The following EP400 variants were observed in gnomAD, a reference collection of about 807,000 sequenced individuals.
The protein encoded by EP400 is E1A binding protein p400, also known as E1A-binding protein p400.
A neutral mutation model predicts 354.1 loss-of-function variants in EP400; 105 were observed. The observed-to-expected ratio is 0.30, with a 90% confidence interval of 0.25 to 0.35. The LOEUF is 0.35. Ranked by LOEUF, EP400 falls within the 10% of genes least tolerant of loss-of-function variation. EP400 has a pLI of 1.00. For missense variants in EP400, 3,280 were observed against 4,121.0 expected (o/e 0.80, Z 5.59); for synonymous variants, 1,646 against 1,716.9 (o/e 0.96, Z 1.02).
At chr12:131,975,761 G>A (rs77279134) in intron 2 of EP400, among the ~76,000 whole-genome samples, 2,436 of 152,160 alleles carry the variant, frequency 0.016, 33 homozygotes, top group Non-Finnish European at 0.028. Context: ...TTTTCGCCAC[G>A]TTGGTCAGGC....
intron 1 of EP400, among the ~76,000 whole-genome samples, chr12:131,957,538 T>C (rs1392780170): frequency 1.3e-5 from 2 of 151,098 alleles, no homozygotes; most frequent in Non-Finnish European, 2.9e-5. Flanking sequence ...TTTTTTTTTT[T>C]ACATTAAATG....
chr12:131,986,042 A>G (rs938243125), intron 5 of EP400, among the ~76,000 whole-genome samples: 4 of 152,144 alleles, frequency 2.6e-5, no homozygotes, highest in Non-Finnish European at 5.9e-5. Flanking sequence ...TGGCACAAAC[A>G]TGACTCACTG....
At chr12:132,076,891 C>T (rs1174981940) in intron 52 of EP400, among the ~76,000 whole-genome samples, 4 of 152,206 alleles carry the variant, frequency 2.6e-5, no homozygotes, top group African/African-American at 9.6e-5. Context: ...TAGGGAGGCA[C>T]AGGCCTCAGG....
chr12:132,027,722 G>A lies in EP400; in HGVS notation c.5109+191G>A, dbSNP rs552037153. Among the ~76,000 whole-genome samples the A allele has an allele frequency of 6.6e-6, 1 of 152,264 alleles. No individual in the cohort carries two copies. The highest frequency in any genetic ancestry group is 1.9e-4 in the East Asian group (1 of 5,184). ...CTTACGACTGCCACAATCTTTTTTT[G>A]TATTTTTTATGTCCTTCTGCAAGTC... On this transcript the variant is annotated intron_variant, in intron 26 of 52. Coordinates refer to ENST00000389561, the MANE Select transcript of EP400 (RefSeq NM_015409.5). The surrounding 1 kb of genome is among the most constrained non-coding windows in gnomAD (Gnocchi z 4.9).
intron 22 of EP400, 131 bp from the exon 23 acceptor site, chr12:132,020,946 TCC>T: frequency 8.0e-7 from 1 of 1,256,536 alleles, no homozygotes; most frequent in African/African-American, 1.5e-5. Context: ...CCTCTTTTTT[TCC>T]TTAAGAGGGG....
Position 131,949,946 on chromosome 12 carries a change from C to A in EP400, c.-126C>A, listed in dbSNP as rs1891399054. On this transcript the variant is annotated 5_prime_UTR_variant, in exon 1 of 53. Transcript: ENST00000389561. ...TAGCAGCCGCGCCGCCGCTTCCTCC[C>A]GCCGGGGCCCCGGATGCACTGAGCG... The A allele has an allele frequency of 6.6e-6, 1 of 151,872 alleles. No homozygotes were observed. The highest frequency in any genetic ancestry group is 1.5e-5 in the Non-Finnish European group (1 of 67,926). 9.4% of individuals were successfully genotyped at this position (151,872 alleles called of 1,614,324 possible).
At chr12:132,031,367 A>C (rs577114384) in intron 29 of EP400, 1 of 519,166 alleles carries the variant, frequency 1.9e-6, no homozygotes, top group East Asian at 5.5e-5. Flanking sequence ...AGTAAATGCA[A>C]GGTGGACTCT....
At chr12:131,991,576 C>CTTTTTTT (rs878864752) in intron 10 of EP400, 120 bp downstream of exon 10, 12 of 593,244 alleles carry the variant, frequency 2.0e-5, no homozygotes, top group Admixed American at 1.3e-4. Flanking sequence ...CCTTTCTTTT[C>CTTTTTTT]TTTTTTTTTT....
chr12:132,074,496 T>TAAAGACAA (rs1277726085), intron 51 of EP400, among the ~76,000 whole-genome samples: 4 of 152,224 alleles, frequency 2.6e-5, no homozygotes, highest in African/African-American at 4.8e-5. Flanking sequence ...CGAGACGTTG[T>TAAAGACAA]CTTTGTCTTT....
chr12:131,996,206 G>C (rs907729312), intron 12 of EP400, among the ~76,000 whole-genome samples: 2 of 152,018 alleles, frequency 1.3e-5, no homozygotes, highest in African/African-American at 4.8e-5. Context: ...CCAGGCACGT[G>C]TGCATGAGTG....
chr12:132,017,767 C>T lies in EP400; in HGVS notation c.4110+46C>T, dbSNP rs984698326. On this transcript the variant is annotated intron_variant, in intron 20 of 52. Coordinates refer to ENST00000389561, the MANE Select transcript of EP400 (RefSeq NM_015409.5). The surrounding 1 kb of genome is among the most constrained non-coding windows in gnomAD (Gnocchi z 5.0). The stretch of plus-strand genomic sequence containing the variant: ...GCGGAATTACTGTTGGATATCTTTT[C>T]TAGGCACATTATAGATAAAACCATT... 5 of 1,493,828 alleles carry T rather than the reference C, an allele frequency of 3.3e-6. No homozygotes were observed. The highest frequency in any genetic ancestry group is 4.5e-6 in the Non-Finnish European group (5 of 1,121,034). 92.5% of individuals were successfully genotyped at this position (1,493,828 alleles called of 1,614,324 possible).
chr12:132,033,488 G>A (rs544248924), intron 30 of EP400, among the ~76,000 whole-genome samples: 5 of 152,044 alleles, frequency 3.3e-5, no homozygotes, highest in African/African-American at 1.2e-4. Context: ...CCCTGCATGA[G>A]GTCTCCTAGG....
intron 30 of EP400, among the ~76,000 whole-genome samples, chr12:132,035,718 C>T (rs1350137923): frequency 8.1e-5 from 12 of 148,126 alleles, no homozygotes; most frequent in African/African-American, 2.0e-4. Context: ...TCACATGGAA[C>T]GCTGTGGAAG....
intron 2 of EP400, chr12:131,963,467 C>G: frequency 4.0e-6 from 5 of 1,236,210 alleles, no homozygotes; most frequent in Non-Finnish European, 5.8e-6. Flanking sequence ...CAATAAAATT[C>G]TAACAAAATT....
intron 45 of EP400, among the ~76,000 whole-genome samples, chr12:132,056,436 C>T (rs986543574): frequency 2.0e-5 from 3 of 152,010 alleles, no homozygotes; most frequent in African/African-American, 7.3e-5. Context: ...CACACACACA[C>T]ACACACACAC....
intron 2 of EP400, among the ~76,000 whole-genome samples, chr12:131,968,344 T>C (rs1052755393): frequency 6.6e-6 from 1 of 152,230 alleles, no homozygotes; most frequent in African/African-American, 2.4e-5. Context: ...ACGATCTATG[T>C]ATGTTGAGTT....
At chr12:132,058,099 G>A (rs1895573203) in intron 45 of EP400, among the ~76,000 whole-genome samples, 1 of 152,168 alleles carries the variant, frequency 6.6e-6, no homozygotes, top group South Asian at 2.1e-4. Flanking sequence ...CAGGAGGACA[G>A]GAAGTACGTC....
chr12:131,995,024 A>G, intron 12 of EP400, 68 bp downstream of exon 12: 2 of 1,432,932 alleles, frequency 1.4e-6, no homozygotes, highest in Non-Finnish European at 2.0e-6. Flanking sequence ...GTGAGATGTG[A>G]ATAATAATAT....
chr12:132,066,918 A>G lies in EP400; in HGVS notation c.8698A>G (p.Met2900Val), dbSNP rs755918312. 3.7e-6 allele frequency: 6 copies of G among 1,610,854 alleles called. No homozygotes were observed. Among genetic ancestry groups the G allele is most frequent in the South Asian group, 2.2e-5 (2 of 90,690 alleles). The change falls in exon 49 of 53, where the codon ATG becomes GTG. Residue 2900 changes from methionine (M) to valine (V), a missense_variant. Physicochemically the swap from Met to Val is conservative, Grantham distance 21. Coordinates refer to ENST00000389561, the MANE Select transcript of EP400 (RefSeq NM_015409.5). ...CTCACCGGGAGTCACCACCCTGCCC[A>G]TGAACGTCGCGGGGATCAGCGTGGC... ...VSSPGVTTLP[M>V]NVAGISVAIG...
Sources: gnomAD v4.1 joint callset for allele counts (sites outside exome capture counted in the v4.1 genomes callset) on GRCh38, gnomAD v4.1.1 for gene constraint, Gnocchi (gnomAD v3.1) non-coding constraint, MANE v1.5 for transcripts, NCBI Gene and HGNC (gene_info 2026-07-23, HGNC 2026-07-21) for gene names.